Variants in TRPM3 observed in about 807,000 individuals in gnomAD.
The protein encoded by TRPM3 is transient receptor potential cation channel subfamily M member 3.
In TRPM3, 77 loss-of-function variants were observed where a neutral mutation model predicts 181.2. That is an observed-to-expected ratio of 0.42 (90% CI 0.35 to 0.51). The LOEUF (loss-of-function observed/expected upper bound fraction) is 0.51, where lower values mean the gene tolerates loss of function less well. Ranked by LOEUF, TRPM3 falls within the 20% of genes least tolerant of loss-of-function variation. The pLI is 0.01. For missense variants in TRPM3, 1,759 were observed against 2,196.7 expected, an observed-to-expected ratio of 0.80 and a Z score of 3.98; for synonymous variants, 745 against 796.4, an observed-to-expected ratio of 0.94 and a Z score of 1.09.
chr9:70,875,495 A>G (rs1009428925), intron 1 of TRPM3, among the ~76,000 whole-genome samples: 1 of 151,984 alleles, frequency 6.6e-6, no homozygotes, highest in Non-Finnish European at 1.5e-5. Flanking sequence ...AATTCTCACC[A>G]GACTCCAATC....
chr9:71,160,502 C>T (rs2076226614), intron 1 of TRPM3, among the ~76,000 whole-genome samples: 1 of 152,074 alleles, frequency 6.6e-6, no homozygotes, highest in Non-Finnish European at 1.5e-5. Flanking sequence ...ACCTCTGCCC[C>T]AACTCCAGAA....
chr9:70,991,126 C>G (rs2097480191), intron 1 of TRPM3, among the ~76,000 whole-genome samples: 1 of 152,278 alleles, frequency 6.6e-6, no homozygotes, highest in Non-Finnish European at 1.5e-5. Flanking sequence ...CACCTCTACT[C>G]TTTCTCACTC....
intron 1 of TRPM3, among the ~76,000 whole-genome samples, chr9:71,428,191 A>C (rs2093899217): frequency 6.6e-6 from 1 of 151,784 alleles, no homozygotes; most frequent in South Asian, 2.1e-4. Context: ...TCCTGGGTTC[A>C]AACAATTCTC....
At chr9:70,686,669 T>C (rs1590351321) in intron 8 of TRPM3, among the ~76,000 whole-genome samples, 1 of 109,798 alleles carries the variant, frequency 9.1e-6, no homozygotes, top group African/African-American at 3.6e-5. Flanking sequence ...CCTTCCTTCC[T>C]GGAAACTCCT....
At chr9:70,549,772 G>T in intron 24 of TRPM3, 98 bp from the exon 25 acceptor site, 2 of 1,269,108 alleles carry the variant, frequency 1.6e-6, no homozygotes, top group East Asian at 2.6e-5. Flanking sequence ...AAATCTAGGT[G>T]GGAAAAGGGG....
chr9:70,843,243 T>C (rs2094794790), intron 4 of TRPM3, 116 bp from the exon 5 acceptor site: 2 of 1,143,392 alleles, frequency 1.7e-6, no homozygotes, highest in African/African-American at 1.6e-5. Context: ...ATATAAAATT[T>C]TGACACATTT....
chr9:70,796,974 T>A (rs558702794), intron 6 of TRPM3, among the ~76,000 whole-genome samples: 7 of 151,604 alleles, frequency 4.6e-5, no homozygotes, highest in African/African-American at 1.7e-4. Flanking sequence ...ACAAAAAAAT[T>A]TAAAAGTTAG....
intron 1 of TRPM3, among the ~76,000 whole-genome samples, chr9:70,895,813 A>C (rs1211152902): frequency 6.6e-6 from 1 of 152,170 alleles, no homozygotes; most frequent in Non-Finnish European, 1.5e-5. Context: ...AACAACCCAG[A>C]AACTACAGAG....
At chr9:70,789,102 T>A (rs1322241687) in intron 6 of TRPM3, among the ~76,000 whole-genome samples, 1 of 152,186 alleles carries the variant, frequency 6.6e-6, no homozygotes, top group Non-Finnish European at 1.5e-5. Flanking sequence ...TTTTTCTAAA[T>A]TACAGCTCAA....
chr9:70,974,863 A>ATTTTTTTTTTTTTTTTTTTTT (rs1177545043), intron 1 of TRPM3, among the ~76,000 whole-genome samples: 6 of 117,968 alleles, frequency 5.1e-5, no homozygotes, highest in African/African-American at 9.5e-5. Context: ...TGGAACATCA[A>ATTTTTTTTTTTTTTTTTTTTT]TTTTTTTTTT....
intron 1 of TRPM3, among the ~76,000 whole-genome samples, chr9:71,191,686 C>T (rs756358763): frequency 2.1e-4 from 32 of 151,446 alleles, no homozygotes; most frequent in Non-Finnish European, 3.2e-4. Flanking sequence ...GCTGTTTTGC[C>T]AATTTGGAGT....
chr9:71,446,801 T>G (rs1449664751), exon 1 of TRPM3: 2 of 1,549,348 alleles, frequency 1.3e-6, no homozygotes, highest in Admixed American at 3.9e-5. Context: ...GCAGCCCCGC[T>G]CCATTTCCGC....
intron 1 of TRPM3, among the ~76,000 whole-genome samples, chr9:71,385,888 G>A (rs1395803357): frequency 4.6e-5 from 7 of 151,574 alleles, no homozygotes; most frequent in Admixed American, 3.9e-4. Flanking sequence ...TTGGTGGGGG[G>A]TAGAGGCAGG....
chr9:71,148,778 G>A (rs2075571950), intron 1 of TRPM3, among the ~76,000 whole-genome samples: 1 of 152,186 alleles, frequency 6.6e-6, no homozygotes, highest in Non-Finnish European at 1.5e-5. Context: ...CTAAGGAAGA[G>A]AGAGTAAGAA....
At chr9:71,314,386 C>A (rs543263438) in intron 1 of TRPM3, among the ~76,000 whole-genome samples, 2 of 152,082 alleles carry the variant, frequency 1.3e-5, no homozygotes, top group Admixed American at 1.3e-4. Flanking sequence ...CTTTCAGTAG[C>A]CTGTGTGATC....
chr9:71,394,617 T>G (rs1207068662), intron 1 of TRPM3, among the ~76,000 whole-genome samples: 1 of 152,196 alleles, frequency 6.6e-6, no homozygotes, highest in Non-Finnish European at 1.5e-5. Flanking sequence ...TAACTTATAT[T>G]TTTTTGGTTG....
upstream of TRPM3, among the ~76,000 whole-genome samples, chr9:71,122,669 C>T (rs112304538): frequency 2.6e-5 from 4 of 152,132 alleles, 1 homozygote; most frequent in Admixed American, 2.6e-4. Context: ...AATTCAGAAC[C>T]GGGACAACAC....
In TRPM3 at chr9:70,776,938, A is replaced by G. The variant is rs547711288; in HGVS notation, c.1148+7167T>C. On this transcript the variant is annotated intron_variant, in intron 7 of 25. Coordinates refer to ENST00000677713, the MANE Select transcript of TRPM3 (RefSeq NM_001366145.2). ...CGTGGGCCCCACCCCACGTGCATCAAAGTCAGGATATTTAGGGGGAGCTGG... is the reference window on the plus strand; with the variant it reads ...CGTGGGCCCCACCCCACGTGCATCAGAGTCAGGATATTTAGGGGGAGCTGG... Among the ~76,000 whole-genome samples, 12 of 152,294 alleles carry G rather than the reference A, an allele frequency of 7.9e-5. No individual in the cohort carries two copies. In the South Asian group the frequency reaches 2.1e-3, roughly 26 times the overall value.
At chr9:70,993,788 AAAAAAAAAAAAAAAAAAG>A (rs1415435823) in intron 1 of TRPM3, among the ~76,000 whole-genome samples, 2 of 114,736 alleles carry the variant, frequency 1.7e-5, no homozygotes, top group East Asian at 2.6e-4. Context: ...CCATCTCAAA[AAAAAAAAAAAAAAAAAAG>A]AAAGAAAGAA....
Sources: gnomAD v4.1 joint callset for allele counts (sites outside exome capture counted in the v4.1 genomes callset) on GRCh38, gnomAD v4.1.1 for gene constraint, MANE v1.5 for transcripts, NCBI Gene and HGNC (gene_info 2026-07-23, HGNC 2026-07-21) for gene names.